The following ATP6V1B2 variants were observed in gnomAD, a reference collection of about 807,000 sequenced individuals.
ATP6V1B2 encodes the protein ATPase H+ transporting V1 subunit B2.
A neutral mutation model predicts 66.7 loss-of-function variants in ATP6V1B2; 23 were observed. The ratio of observed to expected loss-of-function variants is 0.34; its 90% CI spans 0.25 to 0.49. The LOEUF is 0.49. Ranked by LOEUF, ATP6V1B2 falls within the 20% of genes least tolerant of loss-of-function variation. The pLI is 0.99. For synonymous variants in ATP6V1B2, 278 were observed against 236.7 expected (o/e 1.17, Z -1.60); for missense variants, 478 against 650.8 (o/e 0.73, Z 2.89).
intron 1 of ATP6V1B2, among the ~76,000 whole-genome samples, chr8:20,200,675 G>A (rs2128884458): frequency 6.6e-6 from 1 of 152,288 alleles, no homozygotes; most frequent in Non-Finnish European, 1.5e-5. Context: ...GCTTTCGGGT[G>A]CTATGTATTT....
chr8:20,202,289 C>T (rs534353626), intron 1 of ATP6V1B2, among the ~76,000 whole-genome samples: 30 of 152,280 alleles, frequency 2.0e-4, no homozygotes, highest in Non-Finnish European at 3.5e-4. Context: ...AGAGTGTACA[C>T]ATTCAGATCC....
chr8:20,212,496 C>G (rs1308680169), intron 8 of ATP6V1B2, among the ~76,000 whole-genome samples: 2 of 152,088 alleles, frequency 1.3e-5, no homozygotes, highest in Non-Finnish European at 1.5e-5. Context: ...TGATTTTTTC[C>G]TCCTACCTCA....
chr8:20,202,504 G>A (rs1424696021), intron 1 of ATP6V1B2, among the ~76,000 whole-genome samples: 1 of 152,188 alleles, frequency 6.6e-6, no homozygotes, highest in Non-Finnish European at 1.5e-5. Flanking sequence ...GGCTGGATAC[G>A]TTGTTCCAAA....
At chr8:20,204,039 G>A (rs1479787612) in intron 1 of ATP6V1B2, 1 of 454,028 alleles carries the variant, frequency 2.2e-6, no homozygotes, top group Non-Finnish European at 4.4e-6. Flanking sequence ...CATCTACTTA[G>A]CTAAATGCTG....
chr8:20,211,762 A>AAGTT lies in ATP6V1B2; in HGVS notation c.705+10_705+11insGTTA, dbSNP rs142952762. Reference sequence around the variant, plus strand: ...TATTTGCTGCTATGGGTGTAAGTAGAATTTTTGTTTTAGTATGATATGTAA... The same window carrying AAGTT: ...TATTTGCTGCTATGGGTGTAAGTAGAAGTTATTTTTGTTTTAGTATGATATGTAA... On this transcript the variant is annotated intron_variant, in intron 7 of 13. Coordinates refer to ENST00000276390, the MANE Select transcript of ATP6V1B2 (RefSeq NM_001693.4). The AAGTT allele has an allele frequency of 0.16, 262,197 of 1,594,474 alleles. 23,376 individuals carry two copies. Among genetic ancestry groups the AAGTT allele is most frequent in the African/African-American group, 0.29 (21,482 of 73,708 alleles).
Position 20,216,502 on chromosome 8 carries a change from G to C in ATP6V1B2, c.1161+7G>C. 1 of 1,611,576 alleles carries C rather than the reference G, an allele frequency of 6.2e-7. No individual in the cohort carries two copies. The highest frequency in any genetic ancestry group is 8.5e-7 in the Non-Finnish European group (1 of 1,177,982). On this transcript the variant is annotated splice_region_variant and intron_variant, in intron 11 of 13. Transcript: ENST00000276390. ...ACAGCTGCACAACAGACAGGTACTGGACGGGAGCAGTGCTGGGAAGCTTGC... is the reference window on the plus strand; with the variant it reads ...ACAGCTGCACAACAGACAGGTACTGCACGGGAGCAGTGCTGGGAAGCTTGC...
At chr8:20,199,604 G>GTTTTTTTTTTTTTTTTT (rs11356003) in intron 1 of ATP6V1B2, among the ~76,000 whole-genome samples, 1 of 87,592 alleles carries the variant, frequency 1.1e-5, no homozygotes, top group Non-Finnish European at 2.1e-5. Context: ...ATTTTTGTGG[G>GTTTTTTTTTTTTTTTTT]TTTTTTTTTT....
In ATP6V1B2 at chr8:20,211,401, G is replaced by T. The variant is rs76750405; in HGVS notation, c.603+85G>T. The T allele has an allele frequency of 1.5e-5, 23 of 1,526,712 alleles. No homozygotes were observed. In the East Asian group the frequency reaches 2.7e-4, roughly 18 times the overall value. 94.6% of individuals were successfully genotyped at this position (1,526,712 alleles called of 1,614,324 possible). A position where few individuals can be genotyped will look rare whatever the true frequency, so the allele number is the denominator to read the frequency against. On this transcript the variant is annotated intron_variant, in intron 6 of 13. Transcript: ENST00000276390. ...ACTGTTACTGAGAAACCGAATAAAG[G>T]GTTTTCAAAATAAATACTCAGTGTT...
chr8:20,203,210 T>TG (rs2072704593), intron 1 of ATP6V1B2, among the ~76,000 whole-genome samples: 1 of 152,120 alleles, frequency 6.6e-6, no homozygotes, highest in Non-Finnish European at 1.5e-5. Flanking sequence ...ACAGTTCAGT[T>TG]GGGGGGCCTC....
intron 7 of ATP6V1B2, 114 bp downstream of exon 7, chr8:20,211,867 T>C (rs1440238459): frequency 1.0e-6 from 1 of 963,512 alleles, no homozygotes; most frequent in Non-Finnish European, 1.5e-6. Flanking sequence ...GAATTTGCAA[T>C]CTGGCATTTT....
chr8:20,202,017 A>G (rs2072692799), intron 1 of ATP6V1B2, among the ~76,000 whole-genome samples: 1 of 152,216 alleles, frequency 6.6e-6, no homozygotes, highest in Non-Finnish European at 1.5e-5. Context: ...GGATTCATCC[A>G]TTCATAAGAG....
chr8:20,205,507 A>T (rs1229656663), intron 2 of ATP6V1B2, among the ~76,000 whole-genome samples: 2 of 152,178 alleles, frequency 1.3e-5, no homozygotes, highest in African/African-American at 4.8e-5. Context: ...TGAGGAAGTA[A>T]TTTTAAGAGA....
At position 20,218,295 on chromosome 8, in the gene ATP6V1B2, T is replaced by C. The variant is rs2072874489; in HGVS notation, c.1396+13T>C. 6.2e-7 allele frequency: 1 copy of C among 1,608,884 alleles called. No individual in the cohort carries two copies. The highest frequency in any genetic ancestry group is 1.3e-5 in the African/African-American group (1 of 74,488). ...TTCATTGCTCAGGGTAAGATGACTG[T>C]TGGCTTACAAACATAAAAAGCCTCA... On this transcript the variant is annotated intron_variant, in intron 13 of 13. Transcript: ENST00000276390.
Position 20,220,494 on chromosome 8 carries a change from A to G in ATP6V1B2, c.*92A>G. ...CTCTCGGTTCCCACCTTTGTGTTGG[A>G]GTTTACCATGTTACCCTGTAATTAA... On this transcript the variant is annotated 3_prime_UTR_variant, in exon 14 of 14. Coordinates refer to ENST00000276390, the MANE Select transcript of ATP6V1B2 (RefSeq NM_001693.4). The G allele has an allele frequency of 7.0e-7, 1 of 1,437,322 alleles. No homozygotes were observed. Among genetic ancestry groups the G allele is most frequent in the Non-Finnish European group, 9.2e-7 (1 of 1,089,374 alleles). The allele number at this position is 1,437,322 out of a possible 1,614,324, so 89.0% of individuals were successfully genotyped here.
At chr8:20,216,718 C>T (rs2072858010) in intron 11 of ATP6V1B2, 2 of 389,046 alleles carry the variant, frequency 5.1e-6, no homozygotes, top group South Asian at 1.1e-4. Context: ...TGTCTTAAAA[C>T]AGAGTCACTT....
chr8:20,204,929 GC>G (rs2072723312), intron 2 of ATP6V1B2, among the ~76,000 whole-genome samples: 1 of 152,134 alleles, frequency 6.6e-6, no homozygotes, highest in African/African-American at 2.4e-5. Flanking sequence ...AAAAGAAGGG[GC>G]AAAGTGCATT....
chr8:20,215,509 TCA>T (rs1290153727), intron 10 of ATP6V1B2: 1 of 152,282 alleles, frequency 6.6e-6, no homozygotes, highest in Admixed American at 6.5e-5. Context: ...TGTCCTTATT[TCA>T]GTTTTTGAAC....
At chr8:20,211,137 C>A in intron 5 of ATP6V1B2, 40 bp from the exon 6 acceptor site, 2 of 1,589,722 alleles carry the variant, frequency 1.3e-6, no homozygotes, top group Non-Finnish European at 1.7e-6. Context: ...ATGAATAATG[C>A]GGCAACTTGT....
At chr8:20,214,760 TG>T in intron 9 of ATP6V1B2, 57 bp from the exon 10 acceptor site, 1 of 1,498,748 alleles carries the variant, frequency 6.7e-7, no homozygotes, top group African/African-American at 1.4e-5. Context: ...ACAAACATGT[TG>T]TAAGCAAGCT....
Sources: gnomAD v4.1 joint callset for allele counts (sites outside exome capture counted in the v4.1 genomes callset) on GRCh38, gnomAD v4.1.1 for gene constraint, MANE v1.5 for transcripts, NCBI Gene and HGNC (gene_info 2026-07-23, HGNC 2026-07-21) for gene names.